HTRA3: variants seen among roughly 807,000 people sequenced by gnomAD.
HTRA3 encodes the protein HtrA serine peptidase 3.
In HTRA3, 41 loss-of-function variants were observed where a neutral mutation model predicts 43.2. That is an observed-to-expected ratio of 0.95 (90% CI 0.74 to 1.23). HTRA3 has a LOEUF of 1.23. HTRA3 is among the 50% of genes most tolerant of loss of function. The pLI is 0.00. For missense variants in HTRA3, 628 were observed against 647.1 expected (o/e 0.97, Z 0.32); for synonymous variants, 295 against 287.9 (o/e 1.02, Z -0.25).
Position 8,286,499 on chromosome 4 carries a change from C to T in HTRA3, c.486-62C>T, listed in dbSNP as rs570364292. The T allele has an allele frequency of 1.2e-5, 16 of 1,376,236 alleles. No homozygotes were observed. The highest frequency in any genetic ancestry group is 6.8e-5 in the Admixed American group (4 of 58,862). The allele number at this position is 1,376,236 out of a possible 1,614,324, so 85.3% of individuals were successfully genotyped here. On this transcript the variant is annotated intron_variant, in intron 2 of 8. Coordinates refer to ENST00000307358, the MANE Select transcript of HTRA3 (RefSeq NM_053044.5). The surrounding 1 kb of genome is among the most constrained non-coding windows in gnomAD (Gnocchi z 4.9). ...TCCTCGCTGACCAGCCCCACCACTG[C>T]GCCTGACTCCCCCGCGTCCTAGCCC...
chr4:8,280,890 A>G lies in HTRA3; in HGVS notation c.386-1547A>G, dbSNP rs2153004523. 2.0e-5 allele frequency among the ~76,000 whole-genome samples: 3 copies of G among 152,092 alleles called. 1 individual carries two copies. Among genetic ancestry groups the G allele is most frequent in the Admixed American group, 2.0e-4 (3 of 15,278 alleles). On this transcript the variant is annotated intron_variant, in intron 1 of 8. Transcript: ENST00000307358. ...AGACCCAACACCAGAGCTCGAGCCA[A>G]CCCCCTAGGTCCCAGCTCAGGCTAA... is the stretch of plus-strand genomic sequence containing the variant.
intron 2 of HTRA3, among the ~76,000 whole-genome samples, chr4:8,284,457 G>A (rs1055864051): frequency 6.6e-6 from 1 of 152,304 alleles, no homozygotes; most frequent in Non-Finnish European, 1.5e-5. Flanking sequence ...GGGTGGGTGA[G>A]ACCCAGCAAA....
intron 6 of HTRA3, 127 bp downstream of exon 6, chr4:8,294,328 A>C: frequency 4.8e-6 from 3 of 622,996 alleles, no homozygotes; most frequent in Non-Finnish European, 8.3e-6. Context: ...ACTACTGGAC[A>C]GGTCCTGTCT....
In HTRA3 at chr4:8,295,220, C is replaced by T. The variant is rs1713413887; in HGVS notation, c.1051+1019C>T. Among the ~76,000 whole-genome samples, 1 of 152,180 alleles carries T rather than the reference C, an allele frequency of 6.6e-6. No individual in the cohort carries two copies. The highest frequency in any genetic ancestry group is 6.5e-5 in the Admixed American group (1 of 15,282). ...GTCTATTCTTCCATCCATCTACCCA[C>T]TCCTGAGTACTTCCTCTTCCAGCCT... On this transcript the variant is annotated intron_variant, in intron 6 of 8. Transcript: ENST00000307358. The surrounding 1 kb of genome is among the most constrained non-coding windows in gnomAD (Gnocchi z 6.9).
At chr4:8,281,932 G>A (rs1712762367) in intron 1 of HTRA3, among the ~76,000 whole-genome samples, 1 of 152,232 alleles carries the variant, frequency 6.6e-6, no homozygotes, top group Admixed American at 6.5e-5. Context: ...GCTCAGAAGG[G>A]TCACCTGGGG....
At position 8,296,368 on chromosome 4, in the gene HTRA3, G is replaced by A; in HGVS notation, c.1051+2167G>A. On this transcript the variant is annotated intron_variant, in intron 6 of 8. Coordinates refer to ENST00000307358, the MANE Select transcript of HTRA3 (RefSeq NM_053044.5). The surrounding 1 kb of genome is among the most constrained non-coding windows in gnomAD (Gnocchi z 5.3). ...ACAGTGCAGACTAACTGAGGAGCCTGATAAACCTTAGCTGCATGGCACACT... is the reference window on the plus strand; with the variant it reads ...ACAGTGCAGACTAACTGAGGAGCCTAATAAACCTTAGCTGCATGGCACACT... 2.0e-6 allele frequency: 2 copies of A among 985,470 alleles called. No homozygotes were observed. Among genetic ancestry groups the A allele is most frequent in the Non-Finnish European group, 2.4e-6 (2 of 829,964 alleles). 61.0% of individuals were successfully genotyped at this position (985,470 alleles called of 1,614,324 possible). A position where few individuals can be genotyped will look rare whatever the true frequency, so the allele number is the denominator to read the frequency against.
At chr4:8,271,808 T>A (rs147213946) in intron 1 of HTRA3, among the ~76,000 whole-genome samples, 29 of 152,316 alleles carry the variant, frequency 1.9e-4, no homozygotes, top group African/African-American at 6.0e-4. Context: ...TGTGACCTCA[T>A]CACCTCCTAA....
Position 8,304,081 on chromosome 4 carries a change from G to A in HTRA3, c.1101-103G>A. The A allele has an allele frequency of 8.5e-6, 7 of 823,312 alleles. No individual in the cohort carries two copies. The South Asian group carries it at 1.1e-4, about 13-fold the overall frequency. 51.0% of individuals were successfully genotyped at this position (823,312 alleles called of 1,614,324 possible). A position where few individuals can be genotyped will look rare whatever the true frequency, so the allele number is the denominator to read the frequency against. On this transcript the variant is annotated intron_variant, in intron 7 of 8. Transcript: ENST00000307358. The stretch of plus-strand genomic sequence containing the variant: ...CAGGGCAGTATGGGGGCCCAGAGGT[G>A]GCTCCTCTTCTGGTCTGGTGCTGGA...
chr4:8,287,529 A>G (rs4256210), intron 3 of HTRA3, among the ~76,000 whole-genome samples: 92,279 of 151,532 alleles, frequency 0.61, 28,678 homozygotes, highest in East Asian at 0.82. Flanking sequence ...AAGCAGGGAC[A>G]TCTTCTCATG....
intron 1 of HTRA3, among the ~76,000 whole-genome samples, chr4:8,281,241 G>T (rs548929027): frequency 6.6e-6 from 1 of 152,212 alleles, no homozygotes; most frequent in African/African-American, 2.4e-5. Context: ...GCCTTTGGAC[G>T]ATCCAGAAAA....
chr4:8,270,840 G>A (rs540060220), intron 1 of HTRA3, among the ~76,000 whole-genome samples: 172 of 152,284 alleles, frequency 1.1e-3, no homozygotes, highest in African/African-American at 4.1e-3. Flanking sequence ...AACTGCTTAG[G>A]GCGCCCCAGG....
rs1300564484 is a variant in HTRA3 at position 8,295,014 on chromosome 4, TCATCCACC to T, written c.1051+816_1051+823del. ...TCCATCTACTCATCCATTCATCCAC[TCATCCACC>T]CACCTATCCACCCATTCACCCACCT... On this transcript the variant is annotated intron_variant, in intron 6 of 8. Coordinates refer to ENST00000307358, the MANE Select transcript of HTRA3 (RefSeq NM_053044.5). This position sits in a 1 kb window ranked among gnomAD's most constrained non-coding sequence, Gnocchi z 6.9. 6.7e-6 allele frequency among the ~76,000 whole-genome samples: 1 copy of T among 150,032 alleles called. No individual in the cohort carries two copies. The highest frequency in any genetic ancestry group is 1.5e-5 in the Non-Finnish European group (1 of 67,398).
rs1713407126 is a variant in HTRA3 at position 8,295,016 on chromosome 4, A to G, written c.1051+815A>G. ...CATCTACTCATCCATTCATCCACTCATCCACCCACCTATCCACCCATTCAC... is the reference window on the plus strand; with the variant it reads ...CATCTACTCATCCATTCATCCACTCGTCCACCCACCTATCCACCCATTCAC... On this transcript the variant is annotated intron_variant, in intron 6 of 8. Transcript: ENST00000307358. The surrounding 1 kb of genome is among the most constrained non-coding windows in gnomAD (Gnocchi z 6.9). Among the ~76,000 whole-genome samples the G allele has an allele frequency of 1.3e-5, 2 of 151,358 alleles. No homozygotes were observed. The highest frequency in any genetic ancestry group is 4.2e-4 in the South Asian group (2 of 4,774).
intron 1 of HTRA3, among the ~76,000 whole-genome samples, chr4:8,278,556 G>A (rs1305953068): frequency 3.9e-5 from 6 of 152,196 alleles, no homozygotes. Context: ...GAAAGAGGCA[G>A]TGGGAACCGC....
At chr4:8,281,551 C>A (rs1029600490) in intron 1 of HTRA3, among the ~76,000 whole-genome samples, 2 of 152,226 alleles carry the variant, frequency 1.3e-5, no homozygotes, top group African/African-American at 4.8e-5. Context: ...CAGGCCCAGC[C>A]GAACCCCTGG....
At chr4:8,281,570 G>A (rs985536863) in intron 1 of HTRA3, among the ~76,000 whole-genome samples, 5 of 152,246 alleles carry the variant, frequency 3.3e-5, no homozygotes, top group Admixed American at 6.5e-5. Flanking sequence ...GGTGTGTGCA[G>A]CCCCCAGCCC....
chr4:8,271,501 G>T (rs1712274788), intron 1 of HTRA3, among the ~76,000 whole-genome samples: 1 of 152,194 alleles, frequency 6.6e-6, no homozygotes, highest in Admixed American at 6.5e-5. Flanking sequence ...GATTAGCTAG[G>T]ATTATGTGGA....
chr4:8,302,332 C>T, intron 6 of HTRA3, 131 bp from the exon 7 acceptor site: 1 of 806,528 alleles, frequency 1.2e-6, no homozygotes, highest in East Asian at 2.5e-5. Flanking sequence ...GGGACTGGGC[C>T]AGCTCAAGCA....
In HTRA3 at chr4:8,305,975, G is replaced by A. The variant is rs766232427; in HGVS notation, c.1201G>A (p.Gly401Ser). ...VAPNSPSQRG[G>S]IQDGDIIVKV... ...CCCCGTCTCTCCTGTTGGCAGAGGC[G>A]GCATCCAAGATGGTGACATCATCGT... The change falls in exon 9 of 9, where the codon GGC (glycine) becomes AGC (serine). Residue 401 changes from glycine (G) to serine (S), a missense_variant. Coordinates refer to ENST00000307358, the MANE Select transcript of HTRA3 (RefSeq NM_053044.5). 6.2e-6 allele frequency: 10 copies of A among 1,611,196 alleles called. No homozygotes were observed. In the East Asian group the frequency reaches 8.9e-5, roughly 14 times the overall value.
Sources: gnomAD v4.1 joint callset for allele counts (sites outside exome capture counted in the v4.1 genomes callset) on GRCh38, gnomAD v4.1.1 for gene constraint, Gnocchi (gnomAD v3.1) non-coding constraint, MANE v1.5 for transcripts, NCBI Gene and HGNC (gene_info 2026-07-23, HGNC 2026-07-21) for gene names.